CSMD1: variants seen among roughly 807,000 people sequenced by gnomAD.
The protein encoded by CSMD1 is CUB and sushi domain-containing protein 1.
A neutral mutation model predicts 417.5 loss-of-function variants in CSMD1; 213 were observed. That is an observed-to-expected ratio of 0.51 (90% CI 0.46 to 0.57). The LOEUF (loss-of-function observed/expected upper bound fraction) is 0.57. Ranked by LOEUF, CSMD1 falls within the 20% of genes least tolerant of loss-of-function variation. The pLI, the probability that CSMD1 is intolerant of heterozygous loss-of-function variation, is 0.00. For missense variants in CSMD1, 6,923 were observed against 4,529.7 expected, an observed-to-expected ratio of 1.53 and a Z score of -15.17; for synonymous variants, 2,862 against 1,736.8, an observed-to-expected ratio of 1.65 and a Z score of -16.11.
chr8:4,539,215 T>G (rs1045000777), intron 2 of CSMD1, among the ~76,000 whole-genome samples: 11 of 152,236 alleles, frequency 7.2e-5, no homozygotes, highest in African/African-American at 2.7e-4. Flanking sequence ...GGTTTGCCAC[T>G]GCCACAAGTC....
chr8:3,141,775 C>T (rs1425892857), intron 41 of CSMD1, among the ~76,000 whole-genome samples: 1 of 150,046 alleles, frequency 6.7e-6, no homozygotes, highest in African/African-American at 2.5e-5. Context: ...CTACCGGCTT[C>T]CCAAGCCCCT....
At chr8:4,755,787 G>A (rs146184381) in intron 1 of CSMD1, among the ~76,000 whole-genome samples, 1 of 152,040 alleles carries the variant, frequency 6.6e-6, no homozygotes, top group Admixed American at 6.6e-5. Flanking sequence ...CTTCATGAAC[G>A]CTATTTTTTC....
At chr8:3,801,821 T>G (rs1344029853) in intron 5 of CSMD1, among the ~76,000 whole-genome samples, 2 of 152,178 alleles carry the variant, frequency 1.3e-5, no homozygotes, top group Non-Finnish European at 2.9e-5. Flanking sequence ...TAAGGTATGT[T>G]GGAATACTGA....
intron 22 of CSMD1, among the ~76,000 whole-genome samples, chr8:3,347,400 G>C (rs147378442): frequency 5.9e-5 from 9 of 152,156 alleles, no homozygotes; most frequent in African/African-American, 2.2e-4. Context: ...CAGGACCTGG[G>C]TACCCCTGCC....
rs948358488 is a variant in CSMD1 at position 3,029,299 on chromosome 8, G to A, written c.7855+20C>T. 3.2e-6 allele frequency: 5 copies of A among 1,557,422 alleles called. No homozygotes were observed. Among genetic ancestry groups the A allele is most frequent in the African/African-American group, 2.9e-5 (2 of 69,914 alleles). On this transcript the variant is annotated intron_variant, in intron 51 of 69. Coordinates refer to ENST00000635120, the MANE Select transcript of CSMD1 (RefSeq NM_033225.6). ...ATCTAGGATGCCGTGACTTTCAGGG[G>A]TGCCTCCCTCATCACTTACCTCGAC...
At chr8:4,811,914 C>T (rs1798929486) in intron 1 of CSMD1, among the ~76,000 whole-genome samples, 1 of 151,940 alleles carries the variant, frequency 6.6e-6, no homozygotes, top group Non-Finnish European at 1.5e-5. Flanking sequence ...ACTGTTTCTC[C>T]GTATAGAATT....
chr8:4,710,131 T>C (rs1465977918), intron 1 of CSMD1, among the ~76,000 whole-genome samples: 3 of 151,724 alleles, frequency 2.0e-5, no homozygotes, highest in African/African-American at 4.8e-5. Flanking sequence ...CGCCTGGAGG[T>C]TATTCTAAGG....
chr8:4,731,394 C>A (rs1255994847), intron 1 of CSMD1, among the ~76,000 whole-genome samples: 1 of 152,144 alleles, frequency 6.6e-6, no homozygotes, highest in East Asian at 1.9e-4. Flanking sequence ...CCCACCTGTG[C>A]AAGTACTTTT....
Position 3,299,452 on chromosome 8 carries a change from C to CA in CSMD1, c.3950+8242dup, listed in dbSNP as rs376647244. Among the ~76,000 whole-genome samples, 520 of 150,124 alleles carry CA rather than the reference C, an allele frequency of 3.5e-3. 3 individuals carry two copies. Among genetic ancestry groups the CA allele is most frequent in the African/African-American group, 7.4e-3 (301 of 40,872 alleles). ...GGGGGACAAGAGCAACACTTTGTCT[C>CA]AAAAAAAAAGGAATGCAATGTGGTA... On this transcript the variant is annotated intron_variant, in intron 25 of 69. Coordinates refer to ENST00000635120, the MANE Select transcript of CSMD1 (RefSeq NM_033225.6).
chr8:4,036,094 G>C (rs540478822), intron 3 of CSMD1, among the ~76,000 whole-genome samples: 1 of 152,258 alleles, frequency 6.6e-6, no homozygotes, highest in South Asian at 2.1e-4. Context: ...TGCTGTACAG[G>C]TTTGCACTCT....
At chr8:4,472,707 T>G (rs892388299) in intron 2 of CSMD1, among the ~76,000 whole-genome samples, 1 of 152,044 alleles carries the variant, frequency 6.6e-6, no homozygotes, top group African/African-American at 2.4e-5. Flanking sequence ...ATGAGCATAT[T>G]AGGTGTAAAC....
chr8:3,793,849 T>C (rs1477444044), intron 5 of CSMD1, among the ~76,000 whole-genome samples: 1 of 152,184 alleles, frequency 6.6e-6, no homozygotes, highest in Non-Finnish European at 1.5e-5. Context: ...AATCACTCAA[T>C]AAATATTGAC....
rs570123877 is a variant in CSMD1, at chr8:4,205,593, G to C, written c.416-173494C>G. 5.6e-4 allele frequency among the ~76,000 whole-genome samples: 85 copies of C among 152,318 alleles called. 1 individual carries two copies. In the South Asian group the frequency reaches 0.013, roughly 23 times the overall value. On this transcript the variant is annotated intron_variant, in intron 3 of 69. Coordinates refer to ENST00000635120, the MANE Select transcript of CSMD1 (RefSeq NM_033225.6). ...GACACAGCATATAAATGATGGGGTA[G>C]GATGAAGCCCTGACAATTTCCACCC...
chr8:3,702,550 G>T (rs35110004), intron 7 of CSMD1, among the ~76,000 whole-genome samples: 5 of 152,174 alleles, frequency 3.3e-5, no homozygotes, highest in African/African-American at 1.2e-4. Context: ...TAGAGTGCTG[G>T]CCAGGTGCGG....
At chr8:3,797,763 T>C (rs1800239029) in intron 5 of CSMD1, among the ~76,000 whole-genome samples, 1 of 151,962 alleles carries the variant, frequency 6.6e-6, no homozygotes, top group Admixed American at 6.6e-5. Flanking sequence ...GTATTTTCAT[T>C]AAACGTGATA....
chr8:4,108,611 C>T (rs1330269746), intron 3 of CSMD1, among the ~76,000 whole-genome samples: 6 of 152,304 alleles, frequency 3.9e-5, no homozygotes, highest in African/African-American at 1.2e-4. Flanking sequence ...GCACAGGTTC[C>T]CGGCCCGAGA....
intron 3 of CSMD1, among the ~76,000 whole-genome samples, chr8:4,384,587 G>A (rs1025168356): frequency 6.6e-6 from 1 of 152,050 alleles, no homozygotes; most frequent in African/African-American, 2.4e-5. Flanking sequence ...CTTAGAAAAG[G>A]CATACATTTC....
intron 2 of CSMD1, among the ~76,000 whole-genome samples, chr8:4,535,122 A>C (rs1033999969): frequency 2.0e-5 from 3 of 152,200 alleles, no homozygotes; most frequent in African/African-American, 7.2e-5. Flanking sequence ...AATATTAAAA[A>C]CATAATCTCC....
chr8:4,114,335 C>T (rs576785321), intron 3 of CSMD1, among the ~76,000 whole-genome samples: 1 of 152,304 alleles, frequency 6.6e-6, no homozygotes, highest in South Asian at 2.1e-4. Context: ...CATCTGTTTA[C>T]AGCACGGTTA....
Sources: allele counts gnomAD v4.1 joint callset (sites outside exome capture counted in the v4.1 genomes callset), GRCh38; gene constraint gnomAD v4.1.1; transcripts MANE v1.5; gene names NCBI Gene and HGNC (gene_info 2026-07-23, HGNC 2026-07-21).